The following RALGAPA2 variants were observed in gnomAD, a reference collection of about 807,000 sequenced individuals.
The protein encoded by RALGAPA2 is ral GTPase-activating protein subunit alpha-2.
Under a neutral mutation model 230.4 loss-of-function variants are expected in RALGAPA2, and 139 were observed. That is an observed-to-expected ratio of 0.60 (90% CI 0.53 to 0.69). The LOEUF (loss-of-function observed/expected upper bound fraction) is 0.69, where lower values mean the gene tolerates loss of function less well. RALGAPA2 is among the 30% of genes least tolerant of loss of function. The pLI is 0.00. For missense variants in RALGAPA2, 2,163 were observed against 2,276.0 expected (o/e 0.95, Z 1.01); for synonymous variants, 847 against 837.8 (o/e 1.01, Z -0.19).
intron 37 of RALGAPA2, among the ~76,000 whole-genome samples, chr20:20,422,881 G>A (rs929207707): frequency 5.3e-5 from 8 of 152,202 alleles, no homozygotes; most frequent in African/African-American, 1.9e-4. Context: ...GAAGCTGGTG[G>A]GTGGAGCGAT....
intron 16 of RALGAPA2, among the ~76,000 whole-genome samples, chr20:20,593,293 C>T (rs2065349873): frequency 6.6e-6 from 1 of 152,250 alleles, no homozygotes; most frequent in Admixed American, 6.5e-5. Flanking sequence ...ATGTTAAAGC[C>T]TCATGTTTCC....
At chr20:20,446,413 C>T (rs1187381810) in intron 37 of RALGAPA2, among the ~76,000 whole-genome samples, 1 of 152,188 alleles carries the variant, frequency 6.6e-6, no homozygotes, top group Non-Finnish European at 1.5e-5. Flanking sequence ...AATTTTCAAA[C>T]TATTCTGCTG....
At chr20:20,708,255 C>T (rs1257077782) in intron 1 of RALGAPA2, among the ~76,000 whole-genome samples, 1 of 152,128 alleles carries the variant, frequency 6.6e-6, no homozygotes, top group Non-Finnish European at 1.5e-5. Context: ...ATTAAAATTG[C>T]ACATGTGGCT....
chr20:20,505,635 T>C (rs13043439), intron 33 of RALGAPA2, 101 bp from the exon 34 acceptor site: 1 of 1,047,220 alleles, frequency 9.5e-7, no homozygotes, highest in Admixed American at 3.0e-5. Context: ...TGAGCTTACA[T>C]TTACTGAGAA....
At chr20:20,394,889 C>CA (rs10673778) in intron 39 of RALGAPA2, among the ~76,000 whole-genome samples, 35,406 of 44,522 alleles carry the variant, frequency 0.8, 14,249 homozygotes, top group Non-Finnish European at 0.86. Flanking sequence ...AATAAATAAG[C>CA]AAAAAAAAAA....
intron 37 of RALGAPA2, among the ~76,000 whole-genome samples, chr20:20,456,742 C>G: frequency 6.6e-6 from 1 of 152,340 alleles, no homozygotes; most frequent in Non-Finnish European, 1.5e-5. Flanking sequence ...TGGGTAAGAA[C>G]CATCCAGCTG....
chr20:20,397,940 C>G (rs1166781754), intron 38 of RALGAPA2, among the ~76,000 whole-genome samples: 1 of 152,148 alleles, frequency 6.6e-6, no homozygotes, highest in East Asian at 1.9e-4. Context: ...GTTCCTTCTC[C>G]ACACCTGGTT....
chr20:20,609,834 A>G (rs978955522), intron 14 of RALGAPA2, among the ~76,000 whole-genome samples: 5 of 152,266 alleles, frequency 3.3e-5, no homozygotes, highest in African/African-American at 9.6e-5. Context: ...TCCACGCATC[A>G]GCAGAGCAAA....
chr20:20,573,513 G>T (rs190131065), intron 20 of RALGAPA2, among the ~76,000 whole-genome samples: 1 of 152,166 alleles, frequency 6.6e-6, no homozygotes, highest in East Asian at 1.9e-4. Context: ...TTTAAGGAAT[G>T]TATACGTTCA....
At chr20:20,689,700 TTA>T (rs1603246911) in intron 1 of RALGAPA2, among the ~76,000 whole-genome samples, 1 of 152,174 alleles carries the variant, frequency 6.6e-6, no homozygotes. Flanking sequence ...CTCCTCTCAA[TTA>T]AAGTGAGGAA....
At chr20:20,664,710 A>G (rs1314873262) in intron 3 of RALGAPA2, among the ~76,000 whole-genome samples, 2 of 152,134 alleles carry the variant, frequency 1.3e-5, no homozygotes, top group African/African-American at 4.8e-5. Context: ...GGAAAAAATC[A>G]CTCCAAGACA....
At chr20:20,439,678 T>C (rs997512848) in intron 37 of RALGAPA2, among the ~76,000 whole-genome samples, 1 of 152,320 alleles carries the variant, frequency 6.6e-6, no homozygotes, top group African/African-American at 2.4e-5. Context: ...TTCAAGTCCC[T>C]CTGAATCCAC....
chr20:20,695,330 T>TA (rs1293698287), intron 1 of RALGAPA2, among the ~76,000 whole-genome samples: 3 of 152,122 alleles, frequency 2.0e-5, no homozygotes, highest in Non-Finnish European at 4.4e-5. Flanking sequence ...CTGAAAAGGA[T>TA]AAAAAATAAT....
chr20:20,402,634 A>T (rs903800131), intron 38 of RALGAPA2, among the ~76,000 whole-genome samples: 3 of 152,220 alleles, frequency 2.0e-5, no homozygotes, highest in Non-Finnish European at 2.9e-5. Context: ...CAGGCAGAAC[A>T]CCTATTGTAT....
At chr20:20,399,082 C>T (rs368937066) in intron 38 of RALGAPA2, among the ~76,000 whole-genome samples, 1 of 152,140 alleles carries the variant, frequency 6.6e-6, no homozygotes, top group South Asian at 2.1e-4. Flanking sequence ...CGGTGGCTCA[C>T]GCCTGTAATC....
chr20:20,410,481 G>A (rs2060037661), intron 38 of RALGAPA2, among the ~76,000 whole-genome samples: 1 of 152,144 alleles, frequency 6.6e-6, no homozygotes, highest in Non-Finnish European at 1.5e-5. Context: ...AAGTCCTCAC[G>A]AAGAGGGGAA....
At chr20:20,611,146 A>G (rs747969276) in intron 14 of RALGAPA2, among the ~76,000 whole-genome samples, 169 bp downstream of exon 14, 5 of 152,220 alleles carry the variant, frequency 3.3e-5, no homozygotes, top group Non-Finnish European at 7.3e-5. Context: ...CTAAAAGCCC[A>G]GCACTAATTG....
rs78828846 is a variant in RALGAPA2 at position 20,410,608 on chromosome 20, C to T, written c.5617+1419G>A. The stretch of plus-strand genomic sequence containing the variant: ...AACGATTTAAAATCTCTAGCCAGAC[C>T]GAGTATGAAATCTTCATTTCCCTTG... On this transcript the variant is annotated intron_variant, in intron 38 of 39. Coordinates refer to ENST00000202677, the MANE Select transcript of RALGAPA2 (RefSeq NM_020343.4). Among the ~76,000 whole-genome samples, 465 of 152,210 alleles carry T rather than the reference C, an allele frequency of 3.1e-3. 2 individuals carry two copies. Among genetic ancestry groups the T allele is most frequent in the African/African-American group, 0.011 (449 of 41,528 alleles).
At chr20:20,707,182 A>G (rs1555832045) in intron 1 of RALGAPA2, among the ~76,000 whole-genome samples, 1 of 152,190 alleles carries the variant, frequency 6.6e-6, no homozygotes, top group Non-Finnish European at 1.5e-5. Context: ...TCAAATTATA[A>G]AAAGGTGTTT....
Sources: gnomAD v4.1 joint callset for allele counts (sites outside exome capture counted in the v4.1 genomes callset) on GRCh38, gnomAD v4.1.1 for gene constraint, MANE v1.5 for transcripts, NCBI Gene and HGNC (gene_info 2026-07-23, HGNC 2026-07-21) for gene names.